The following GRHL3 variants were observed in gnomAD, a reference collection of about 807,000 sequenced individuals.
GRHL3 encodes the protein grainyhead like transcription factor 3, also known as grainyhead-like protein 3 homolog.
In GRHL3, 20 loss-of-function variants were observed where a neutral mutation model predicts 70.3. The observed-to-expected ratio is 0.28, with a 90% CI of 0.20 to 0.41. GRHL3 has a LOEUF of 0.41. GRHL3 is among the 10% of genes least tolerant of loss of function. The pLI, the probability that GRHL3 is intolerant of heterozygous loss-of-function variation, is 1.00. For synonymous variants in GRHL3, 299 were observed against 299.9 expected, an observed-to-expected ratio of 1.00 and a Z score of 0.03; for missense variants, 637 against 762.3, an observed-to-expected ratio of 0.84 and a Z score of 1.94.
Position 24,342,998 on chromosome 1 carries a change from C to T in GRHL3, c.1392C>T (p.His464=). 6.2e-7 allele frequency: 1 copy of T among 1,614,118 alleles called. No individual in the cohort carries two copies. The highest frequency in any genetic ancestry group is 1.3e-5 in the African/African-American group (1 of 75,010). ...TPPVLFIPNV[H]FSSLQRSGGA... ...CCGTGCTGTTCATCCCCAATGTGCACTTCTCCAGCCTGCAGCGCTCTGGAG... is the reference window on the plus strand; with the variant it reads ...CCGTGCTGTTCATCCCCAATGTGCATTTCTCCAGCCTGCAGCGCTCTGGAG... The change falls in exon 11 of 16, where the codon CAC becomes CAT. Residue 464 remains histidine, a synonymous_variant. Transcript: ENST00000361548. This position sits in a 1 kb window ranked among gnomAD's most constrained non-coding sequence, Gnocchi z 4.8.
At position 24,354,444 on chromosome 1, in the gene GRHL3, G is replaced by A; in HGVS notation, c.1765G>A (p.Gly589Arg). The stretch of plus-strand genomic sequence containing the variant: ...CCACGTCGCCTTCCTGCTGGACATG[G>A]GGGAGCTGGACGGCAAAATTCAGAT... ...SNHVAFLLDM[G>R]ELDGKIQIIL... is the part of the protein sequence containing the mutation. The change falls in exon 16 of 16, where the codon GGG (glycine) becomes AGG (arginine). Residue 589 changes from glycine to arginine, a missense_variant. This residue lies in a region of GRHL3 where 387 missense variants were observed against 513.8 expected (regional missense o/e 0.75). Transcript: ENST00000361548. The A allele has an allele frequency of 6.2e-7, 1 of 1,613,988 alleles. No individual in the cohort carries two copies. Among genetic ancestry groups the A allele is most frequent in the Non-Finnish European group, 8.5e-7 (1 of 1,179,918 alleles).
At chr1:24,319,840 T>G in intron 1 of GRHL3, 1 of 953,336 alleles carries the variant, frequency 1.0e-6, no homozygotes, top group Middle Eastern at 3.6e-4. Context: ...ACTGTGAAGG[T>G]TTCTGGCACC....
In GRHL3 at chr1:24,354,609, G is replaced by C; in HGVS notation, c.*121G>C. 1.5e-6 allele frequency: 1 copy of C among 658,912 alleles called. No homozygotes were observed. Among genetic ancestry groups the C allele is most frequent in the Non-Finnish European group, 2.7e-6 (1 of 371,156 alleles). 40.8% of individuals were successfully genotyped at this position (658,912 alleles called of 1,614,324 possible). A position where few individuals can be genotyped will look rare whatever the true frequency, so the allele number is the denominator to read the frequency against. Reference sequence around the variant, plus strand: ...TACTTGAATGCCTTCCCTGAGGGAAGAGGCCCTTGAGTCACAGACCCACAG... The same window carrying C: ...TACTTGAATGCCTTCCCTGAGGGAACAGGCCCTTGAGTCACAGACCCACAG... On this transcript the variant is annotated 3_prime_UTR_variant, in exon 16 of 16. Coordinates refer to ENST00000361548, the MANE Select transcript of GRHL3 (RefSeq NM_198173.3).
chr1:24,332,914 T>C (rs556409570), intron 2 of GRHL3, among the ~76,000 whole-genome samples: 96 of 152,286 alleles, frequency 6.3e-4, no homozygotes, highest in African/African-American at 2.3e-3. Context: ...GGCAGACTGG[T>C]GGCATCCAGA....
In GRHL3 at chr1:24,336,663, G is replaced by C; in HGVS notation, c.448G>C (p.Ala150Pro). The change falls in exon 4 of 16, where the codon GCA becomes CCA. Residue 150 changes from alanine (A) to proline (P), a missense_variant. By Grantham distance (27) the Ala-to-Pro change is conservative. Around this residue, in one of 2 missense-constraint regions of GRHL3, gnomAD observed 250 missense variants for 248.6 expected, o/e 1.01. Transcript: ENST00000361548. The stretch of plus-strand genomic sequence containing the variant: ...CCCTGGCAAGGCAGCTCCCCTCCCT[G>C]CAGGCCCCAGCAAGCTGGAGGCCGG... ...PTPGKAAPLP[A>P]GPSKLEAGSV... is the part of the protein sequence containing the mutation. The C allele has an allele frequency of 6.2e-7, 1 of 1,614,154 alleles. No individual in the cohort carries two copies. The highest frequency in any genetic ancestry group is 8.5e-7 in the Non-Finnish European group (1 of 1,180,022).
chr1:24,344,901 C>T lies in GRHL3; in HGVS notation c.1424C>T (p.Ala475Val). 2 of 1,613,596 alleles carry T rather than the reference C, an allele frequency of 1.2e-6. No individual in the cohort carries two copies. The highest frequency in any genetic ancestry group is 8.5e-7 in the Non-Finnish European group (1 of 1,179,704). Residue 475 changes from alanine to valine, a missense_variant, in exon 12 of 16, where the codon GCC becomes GTC. This residue lies in a region of GRHL3 where 387 missense variants were observed against 513.8 expected (regional missense o/e 0.75). Coordinates refer to ENST00000361548, the MANE Select transcript of GRHL3 (RefSeq NM_198173.3). ...GTCTTTTTCACTTCATTGCAGGCAG[C>T]CCCCTCGGCAGGACCCAGCAGCTCC... Reference protein sequence around the residue: ...FSSLQRSGGAAPSAGPSSSNR... With the variant: ...FSSLQRSGGAVPSAGPSSSNR...
At chr1:24,328,397 T>C (rs1486179010) in intron 1 of GRHL3, among the ~76,000 whole-genome samples, 1 of 152,182 alleles carries the variant, frequency 6.6e-6, no homozygotes, top group Non-Finnish European at 1.5e-5. Context: ...TGTTTGCCAG[T>C]GGTAAGTGTT....
chr1:24,336,001 C>T (rs866412370), intron 3 of GRHL3, among the ~76,000 whole-genome samples: 35 of 152,180 alleles, frequency 2.3e-4, no homozygotes, highest in African/African-American at 7.5e-4. Context: ...TTCCTATAAT[C>T]CTGTACCCCT....
At chr1:24,319,759 C>T in intron 1 of GRHL3, 191 bp downstream of exon 1, 6 of 1,477,904 alleles carry the variant, frequency 4.1e-6, no homozygotes, top group East Asian at 2.4e-5. Flanking sequence ...TGAGTGTTTC[C>T]CTGGGAAAAT....
downstream of GRHL3, among the ~76,000 whole-genome samples, chr1:24,359,924 C>T (rs1295967352): frequency 1.3e-5 from 2 of 152,178 alleles, no homozygotes; most frequent in Non-Finnish European, 2.9e-5. This position sits in a 1 kb window ranked among gnomAD's most constrained non-coding sequence, Gnocchi z 5.3. Flanking sequence ...GGGATCCCTA[C>T]TTATGCTTGC....
intron 14 of GRHL3, among the ~76,000 whole-genome samples, chr1:24,349,680 G>A (rs1181698425): frequency 1.3e-5 from 2 of 152,204 alleles, no homozygotes; most frequent in East Asian, 3.9e-4. Context: ...GGCAAGTTCA[G>A]GGAAATGGTA....
chr1:24,342,218 G>A lies in GRHL3; in HGVS notation c.1151G>A (p.Gly384Asp), dbSNP rs199589207. The A allele has an allele frequency of 6.2e-6, 10 of 1,613,470 alleles. No homozygotes were observed. In the African/African-American group the frequency reaches 1.2e-4, roughly 19 times the overall value. ...ATTGACACCTATGACTGTGGCTTGGGCACTGAGCGCCTGGTACACCGTGCT... is the reference window on the plus strand; with the variant it reads ...ATTGACACCTATGACTGTGGCTTGGACACTGAGCGCCTGGTACACCGTGCT... ...LQIDTYDCGL[G>D]TERLVHRAVC... The change falls in exon 9 of 16, where the codon GGC (glycine) becomes GAC (aspartate). Residue 384 changes from glycine (G) to aspartate (D), a missense_variant. Around this residue, in one of 2 missense-constraint regions of GRHL3, gnomAD observed 387 missense variants for 513.8 expected, o/e 0.75. Transcript: ENST00000361548. This position sits in a 1 kb window ranked among gnomAD's most constrained non-coding sequence, Gnocchi z 4.8.
intron 7 of GRHL3, among the ~76,000 whole-genome samples, chr1:24,338,481 C>T (rs1208503171): frequency 6.6e-6 from 1 of 152,238 alleles, no homozygotes. Flanking sequence ...GGGGGAAAGG[C>T]TCCCTGTGGG....
At chr1:24,348,268 C>T (rs1640370477) in intron 14 of GRHL3, among the ~76,000 whole-genome samples, 1 of 152,226 alleles carries the variant, frequency 6.6e-6, no homozygotes, top group Non-Finnish European at 1.5e-5. Flanking sequence ...CCTGCACTGG[C>T]TCATCATGTG....
chr1:24,347,402 C>A, intron 13 of GRHL3, 66 bp from the exon 14 acceptor site: 1 of 1,358,176 alleles, frequency 7.4e-7, no homozygotes, highest in Non-Finnish European at 1.1e-6. Flanking sequence ...TTTCAGATTC[C>A]CCAGCCCCTG....
intron 2 of GRHL3, among the ~76,000 whole-genome samples, chr1:24,331,934 T>G (rs867696076): frequency 6.6e-6 from 1 of 152,194 alleles, no homozygotes; most frequent in Non-Finnish European, 1.5e-5. Flanking sequence ...TTCTTCCATC[T>G]TCTGCACGAG....
rs575365208 is a variant in GRHL3, at chr1:24,353,892, A to T, written c.1695-482A>T. On this transcript the variant is annotated intron_variant, in intron 15 of 15. Transcript: ENST00000361548. ...CCTCCTGAGATTTCAGCTTCCTGGG[A>T]ATGGAACTGGGAGGGGCTTGTGTGG... Among the ~76,000 whole-genome samples the T allele has an allele frequency of 2.8e-4, 42 of 152,092 alleles. 1 individual carries two copies. Among genetic ancestry groups the T allele is most frequent in the African/African-American group, 9.4e-4 (39 of 41,482 alleles).
chr1:24,354,224 G>A lies in GRHL3; in HGVS notation c.1695-150G>A, dbSNP rs1018536977. ...GACTGTGACTCCCTCACCTCGTGGG[G>A]TTGTTGTGAGGATCAGAGGGAAGGT... On this transcript the variant is annotated intron_variant, in intron 15 of 15. Transcript: ENST00000361548. The A allele has an allele frequency of 5.1e-6, 3 of 585,266 alleles. No individual in the cohort carries two copies. In the South Asian group the frequency reaches 5.9e-5, roughly 11 times the overall value. 36.3% of individuals were successfully genotyped at this position (585,266 alleles called of 1,614,324 possible).
intron 15 of GRHL3, chr1:24,360,796 G>T (rs997779200): frequency 6.7e-7 from 1 of 1,490,034 alleles, no homozygotes; most frequent in Non-Finnish European, 9.1e-7. Context: ...ACCCAAGAAT[G>T]ACAAACAGTT....
Sources: allele counts gnomAD v4.1 joint callset (sites outside exome capture counted in the v4.1 genomes callset), GRCh38; gene constraint gnomAD v4.1.1; regional missense constraint gnomAD v4.1.1; non-coding constraint Gnocchi (gnomAD v3.1); transcripts MANE v1.5; gene names NCBI Gene and HGNC (gene_info 2026-07-23, HGNC 2026-07-21).